Variants in PDE12 observed in about 807,000 individuals in gnomAD.
PDE12 encodes phosphodiesterase 12, also known as 2',5'-phosphodiesterase 12.
A neutral mutation model predicts 45.4 loss-of-function variants in PDE12; 26 were observed. The observed-to-expected ratio is 0.57, with a 90% CI of 0.42 to 0.79. The LOEUF is 0.79. Ranked by LOEUF, PDE12 falls within the 30% of genes least tolerant of loss-of-function variation. The probability of loss-of-function intolerance (pLI) is 0.00; values close to 1 mark genes in which losing one functional copy is unlikely to be tolerated. For missense variants in PDE12, 668 were observed against 790.0 expected, an observed-to-expected ratio of 0.85 and a Z score of 1.85; for synonymous variants, 283 against 323.9, an observed-to-expected ratio of 0.87 and a Z score of 1.36.
the PDE12 span, among the ~76,000 whole-genome samples, chr3:57,613,368 A>T: frequency 6.1e-5 from 9 of 146,704 alleles, no homozygotes; most frequent in Non-Finnish European, 7.4e-5. Context: ...ATCTCGGCTC[A>T]CTGCAACCTC....
Position 57,560,156 on chromosome 3 carries a change from GTT to G in PDE12, c.*153_*154del. 7.1e-7 allele frequency: 1 copy of G among 1,409,986 alleles called. No homozygotes were observed. Among genetic ancestry groups the G allele is most frequent in the Non-Finnish European group, 9.2e-7 (1 of 1,087,852 alleles). 87.3% of individuals were successfully genotyped at this position (1,409,986 alleles called of 1,614,324 possible). A position where few individuals can be genotyped will look rare whatever the true frequency, so the allele number is the denominator to read the frequency against. On this transcript the variant is annotated 3_prime_UTR_variant, in exon 3 of 3. Coordinates refer to ENST00000311180, the MANE Select transcript of PDE12 (RefSeq NM_177966.7). ...TTCCTGATGTCTTCGTTATGAAACT[GTT>G]GATGTTTGCATCATACATCTTCTCT...
chr3:57,606,388 T>C, the PDE12 span, among the ~76,000 whole-genome samples: 1 of 152,116 alleles, frequency 6.6e-6, no homozygotes, highest in East Asian at 1.9e-4. Context: ...AGCAAAAATA[T>C]CTTATAAAAA....
chr3:57,636,496 G>C, the PDE12 span, among the ~76,000 whole-genome samples: 1,587 of 152,266 alleles, frequency 0.01, 18 homozygotes, highest in African/African-American at 0.036. Context: ...ATATGATACA[G>C]AGAAATGACA....
the PDE12 span, among the ~76,000 whole-genome samples, chr3:57,605,403 T>C: frequency 6.6e-6 from 1 of 152,150 alleles, no homozygotes; most frequent in Admixed American, 6.5e-5. Flanking sequence ...TGTCCAGGGT[T>C]GGTTGGGAAC....
rs1188506741 is a variant in PDE12 at position 57,557,484 on chromosome 3, G to A, written c.1105G>A (p.Gly369Arg). Residue 369 changes from glycine to arginine, a missense_variant, in exon 1 of 3, where the codon GGG (glycine) becomes AGG (arginine). Coordinates refer to ENST00000311180, the MANE Select transcript of PDE12 (RefSeq NM_177966.7). ...DSLVPALEAF[G>R]LEGVFRIKQH... ...CTTGGTACCCGCCCTAGAGGCCTTC[G>A]GGCTCGAGGGGGTGTTTCGAATCAA... The A allele has an allele frequency of 6.8e-6, 11 of 1,613,844 alleles. No homozygotes were observed. In the South Asian group the frequency reaches 1.1e-4, roughly 16 times the overall value.
the PDE12 span, among the ~76,000 whole-genome samples, chr3:57,653,687 A>G: frequency 6.7e-6 from 1 of 149,734 alleles, no homozygotes; most frequent in Non-Finnish European, 1.5e-5. Context: ...CGGAGGTTGC[A>G]GTGAGCCGAG....
chr3:57,604,616 T>G, the PDE12 span, among the ~76,000 whole-genome samples: 149 of 10,202 alleles, frequency 0.015, 1 homozygote, highest in Non-Finnish European at 0.027. Flanking sequence ...TTTTTTTTTT[T>G]TGGGGGGGGT....
chr3:57,655,321 C>T, the PDE12 span, among the ~76,000 whole-genome samples: 1 of 152,234 alleles, frequency 6.6e-6, no homozygotes, highest in Non-Finnish European at 1.5e-5. Flanking sequence ...GCGTGAGCCA[C>T]TGCATCTGGC....
At chr3:57,584,598 A>C in the PDE12 span, 2 of 748,716 alleles carry the variant, frequency 2.7e-6, no homozygotes, top group Non-Finnish European at 4.3e-6. Context: ...AAATGAAATG[A>C]CCTTATTTCT....
At position 57,560,626 on chromosome 3, in the gene PDE12, C is replaced by T; in HGVS notation, c.*622C>T. 1 of 985,138 alleles carries T rather than the reference C, an allele frequency of 1.0e-6. No individual in the cohort carries two copies. The highest frequency in any genetic ancestry group is 4.7e-5 in the South Asian group (1 of 21,276). 61.0% of individuals were successfully genotyped at this position (985,138 alleles called of 1,614,324 possible). On this transcript the variant is annotated 3_prime_UTR_variant, in exon 3 of 3. Coordinates refer to ENST00000311180, the MANE Select transcript of PDE12 (RefSeq NM_177966.7). ...CAGGCGTGAGCCACCGCACCCGGCC[C>T]TTGTGTACATTTTTATAAGAGAATT...
At chr3:57,580,790 A>G in the PDE12 span, among the ~76,000 whole-genome samples, 1 of 126,186 alleles carries the variant, frequency 7.9e-6, no homozygotes, top group South Asian at 2.4e-4. Context: ...TTTTTTTTTT[A>G]AATGTAAAGA....
chr3:57,603,433 G>A, the PDE12 span, among the ~76,000 whole-genome samples: 1 of 151,308 alleles, frequency 6.6e-6, no homozygotes, highest in South Asian at 2.1e-4. Flanking sequence ...TCCCTCCCAG[G>A]TTCAAGTGAT....
the PDE12 span, among the ~76,000 whole-genome samples, chr3:57,621,586 C>T: frequency 6.6e-6 from 1 of 152,034 alleles, no homozygotes; most frequent in Non-Finnish European, 1.5e-5. Flanking sequence ...AGGAGAATTG[C>T]TTGAACCCGG....
At position 57,556,637 on chromosome 3, in the gene PDE12, C is replaced by T. The variant is rs1438807999; in HGVS notation, c.258C>T (p.His86=). The change falls in exon 1 of 3, where the codon CAC becomes CAT. Residue 86 remains histidine, a synonymous_variant. Transcript: ENST00000311180. The surrounding 1 kb of genome is among the most constrained non-coding windows in gnomAD (Gnocchi z 5.0). ...TCGCTACCAATGCCCTAAAGGGTCACGCTAAGGCGGCCGCCGCCAAGAAGA... is the reference window on the plus strand; with the variant it reads ...TCGCTACCAATGCCCTAAAGGGTCATGCTAAGGCGGCCGCCGCCAAGAAGA... ...SRIATNALKG[H]AKAAAAKKSR... 9.4e-6 allele frequency: 15 copies of T among 1,603,224 alleles called. No homozygotes were observed. Among genetic ancestry groups the T allele is most frequent in the Non-Finnish European group, 1.3e-5 (15 of 1,172,454 alleles).
the PDE12 span, among the ~76,000 whole-genome samples, chr3:57,638,545 C>T: frequency 1.3e-5 from 2 of 151,988 alleles, no homozygotes; most frequent in African/African-American, 2.4e-5. Flanking sequence ...GTAATCTCAG[C>T]GACTCGGGGA....
chr3:57,622,423 T>C, the PDE12 span, among the ~76,000 whole-genome samples: 8 of 152,168 alleles, frequency 5.3e-5, no homozygotes, highest in Non-Finnish European at 7.4e-5. Context: ...AGGCTGACCA[T>C]ACAAAATGTT....
At chr3:57,654,556 A>C in the PDE12 span, 1 of 886,584 alleles carries the variant, frequency 1.1e-6, no homozygotes, top group Non-Finnish European at 1.4e-6. Flanking sequence ...ACTAGGAACA[A>C]ATAGCAAATA....
chr3:57,631,188 C>T, the PDE12 span: 58 of 535,748 alleles, frequency 1.1e-4, no homozygotes, highest in Non-Finnish European at 1.7e-4. Context: ...CTTAGATAAA[C>T]CAAGGGGACT....
At chr3:57,605,091 G>C in the PDE12 span, among the ~76,000 whole-genome samples, 1 of 152,180 alleles carries the variant, frequency 6.6e-6, no homozygotes, top group African/African-American at 2.4e-5. Flanking sequence ...AAAGGACAAT[G>C]ATTCCTAAAA....
Sources: allele counts gnomAD v4.1 joint callset (sites outside exome capture counted in the v4.1 genomes callset), GRCh38; gene constraint gnomAD v4.1.1; non-coding constraint Gnocchi (gnomAD v3.1); transcripts MANE v1.5; gene names NCBI Gene and HGNC (gene_info 2026-07-23, HGNC 2026-07-21).